The following DSCAM variants were observed in gnomAD, a reference collection of about 807,000 sequenced individuals.
DSCAM encodes the protein DS cell adhesion molecule.
A neutral mutation model predicts 217.7 loss-of-function variants in DSCAM; 47 were observed. That is an observed-to-expected ratio of 0.22 (90% confidence interval 0.17 to 0.28). The LOEUF is 0.28. Among genes scored for constraint, DSCAM ranks in the 10% least tolerant of loss-of-function variants. DSCAM has a pLI of 1.00. For synonymous variants in DSCAM, 1,056 were observed against 1,015.3 expected, an observed-to-expected ratio of 1.04 and a Z score of -0.76; for missense variants, 2,080 against 2,618.3, an observed-to-expected ratio of 0.79 and a Z score of 4.49.
At chr21:40,055,675 G>A (rs755022707) in intron 29 of DSCAM, 50 bp downstream of exon 29, 1 of 1,391,696 alleles carries the variant, frequency 7.2e-7, no homozygotes, top group Non-Finnish European at 1.0e-6. Flanking sequence ...GATTGAGAAG[G>A]CATGGCTGTG....
chr21:40,313,120 T>TGA (rs2074157970), intron 8 of DSCAM, among the ~76,000 whole-genome samples: 1 of 135,188 alleles, frequency 7.4e-6, no homozygotes, highest in South Asian at 2.3e-4. Flanking sequence ...TCTAAAAAAC[T>TGA]AAAAAAAAAA....
At chr21:40,587,023 C>A (rs186792680) in intron 3 of DSCAM, among the ~76,000 whole-genome samples, 16 of 152,136 alleles carry the variant, frequency 1.1e-4, no homozygotes, top group African/African-American at 3.6e-4. Flanking sequence ...GAGGACACAA[C>A]CTTTTCAAAA....
intron 10 of DSCAM, among the ~76,000 whole-genome samples, chr21:40,281,035 T>C (rs953042175): frequency 6.6e-6 from 1 of 152,184 alleles, no homozygotes; most frequent in African/African-American, 2.4e-5. Context: ...GCCAACCCCT[T>C]GGCTGCAATG....
At chr21:40,489,525 A>T (rs1333723423) in intron 3 of DSCAM, among the ~76,000 whole-genome samples, 2 of 152,144 alleles carry the variant, frequency 1.3e-5, no homozygotes, top group Non-Finnish European at 2.9e-5. Flanking sequence ...CTGTAATCCC[A>T]GCACTTTGGG....
At chr21:40,667,354 G>C (rs1288726113) in intron 3 of DSCAM, among the ~76,000 whole-genome samples, 1 of 152,166 alleles carries the variant, frequency 6.6e-6, no homozygotes, top group East Asian at 1.9e-4. Flanking sequence ...CAGGAGAAAT[G>C]TAGTTTCATC....
chr21:40,471,374 T>A (rs575925158), intron 3 of DSCAM, among the ~76,000 whole-genome samples: 1 of 152,176 alleles, frequency 6.6e-6, no homozygotes, highest in Non-Finnish European at 1.5e-5. Context: ...GCTCTATGCC[T>A]CCAGCCACCA....
At chr21:40,805,402 G>A (rs1286567776) in intron 1 of DSCAM, among the ~76,000 whole-genome samples, 2 of 152,142 alleles carry the variant, frequency 1.3e-5, no homozygotes, top group Non-Finnish European at 2.9e-5. Flanking sequence ...CATGCCCTCT[G>A]ACTTTTGGTG....
At chr21:40,811,196 A>G (rs1259394548) in intron 1 of DSCAM, among the ~76,000 whole-genome samples, 1 of 152,180 alleles carries the variant, frequency 6.6e-6, no homozygotes, top group East Asian at 1.9e-4. Context: ...TTCATGCTAC[A>G]GCGTGCAGAG....
intron 3 of DSCAM, among the ~76,000 whole-genome samples, chr21:40,544,479 TAAG>T: frequency 6.6e-6 from 1 of 152,216 alleles, no homozygotes; most frequent in East Asian, 1.9e-4. Context: ...AGTGTCTTCG[TAAG>T]AAGAGGAGAG....
chr21:40,033,854 A>C (rs1350340720), intron 32 of DSCAM, among the ~76,000 whole-genome samples: 2 of 145,254 alleles, frequency 1.4e-5, no homozygotes, highest in Admixed American at 6.8e-5. Context: ...CTGCCTCCTC[A>C]AGTGGGTCCC....
At chr21:40,452,551 A>G (rs1476503670) in intron 3 of DSCAM, among the ~76,000 whole-genome samples, 2 of 152,178 alleles carry the variant, frequency 1.3e-5, no homozygotes, top group African/African-American at 4.8e-5. Context: ...TACAAAGTAT[A>G]AAATATATTA....
In DSCAM at chr21:40,590,117, C is replaced by T. The variant is rs561928926; in HGVS notation, c.508+102693G>A. Among the ~76,000 whole-genome samples, 22 of 152,300 alleles carry T rather than the reference C, an allele frequency of 1.4e-4. No homozygotes were observed. In the South Asian group the frequency reaches 2.7e-3, roughly 19 times the overall value. ...CACTGAATATGAATCTCCAATGTAACTAAGAAATAGACCCAAAGTGCAACA... is the reference window on the plus strand; with the variant it reads ...CACTGAATATGAATCTCCAATGTAATTAAGAAATAGACCCAAAGTGCAACA... On this transcript the variant is annotated intron_variant, in intron 3 of 32. Coordinates refer to ENST00000400454, the MANE Select transcript of DSCAM (RefSeq NM_001389.5).
chr21:40,096,435 T>A (rs1490866463), intron 20 of DSCAM, among the ~76,000 whole-genome samples: 1 of 152,162 alleles, frequency 6.6e-6, no homozygotes. Context: ...ACTGCCTAAA[T>A]TGACTGAGAC....
chr21:40,358,437 GACCTT>G (rs759871887), intron 4 of DSCAM, among the ~76,000 whole-genome samples: 12,899 of 152,166 alleles, frequency 0.085, 650 homozygotes, highest in East Asian at 0.21. Flanking sequence ...ATATCTTCAT[GACCTT>G]GAAGAGTTCT....
intron 6 of DSCAM, among the ~76,000 whole-genome samples, chr21:40,345,825 GAA>G (rs901193346): frequency 2.3e-4 from 34 of 149,236 alleles, no homozygotes; most frequent in Admixed American, 7.3e-4. Context: ...TCAGAAGAGA[GAA>G]AAAAAAAAGT....
chr21:40,412,998 A>G (rs2075337452), intron 3 of DSCAM, among the ~76,000 whole-genome samples: 1 of 152,244 alleles, frequency 6.6e-6, no homozygotes, highest in Non-Finnish European at 1.5e-5. Flanking sequence ...TTCAGAGGGT[A>G]CAAGCCTCAA....
chr21:40,748,185 T>C (rs564643473), intron 1 of DSCAM, among the ~76,000 whole-genome samples: 19 of 152,110 alleles, frequency 1.2e-4, no homozygotes, highest in African/African-American at 4.6e-4. Flanking sequence ...TCACCACTTT[T>C]GTTCAACATA....
chr21:40,404,912 C>T (rs765824487), intron 3 of DSCAM, among the ~76,000 whole-genome samples: 2 of 152,168 alleles, frequency 1.3e-5, no homozygotes, highest in Non-Finnish European at 2.9e-5. Context: ...CAGTAACAGA[C>T]CTAGGCAATA....
chr21:40,052,116 T>C lies in DSCAM; in HGVS notation c.5036-9A>G. The C allele has an allele frequency of 1.2e-6, 2 of 1,613,190 alleles. No individual in the cohort carries two copies. The highest frequency in any genetic ancestry group is 2.2e-5 in the South Asian group (2 of 90,880). ...AACCGTGGAGCGATCATCTACAGGATGGCAGGAACACAGAAAGCCAAACAC... is the reference window on the plus strand; with the variant it reads ...AACCGTGGAGCGATCATCTACAGGACGGCAGGAACACAGAAAGCCAAACAC... On this transcript the variant is annotated splice_polypyrimidine_tract_variant and intron_variant, in intron 29 of 32. Coordinates refer to ENST00000400454, the MANE Select transcript of DSCAM (RefSeq NM_001389.5).
Sources: allele counts gnomAD v4.1 joint callset (sites outside exome capture counted in the v4.1 genomes callset), GRCh38; gene constraint gnomAD v4.1.1; transcripts MANE v1.5; gene names NCBI Gene and HGNC (gene_info 2026-07-23, HGNC 2026-07-21).